The following UHRF2 variants were observed in gnomAD, a reference collection of about 807,000 sequenced individuals.
The protein encoded by UHRF2 is ubiquitin like with PHD and ring finger domains 2.
Under a neutral mutation model 96.8 loss-of-function variants are expected in UHRF2, and 23 were observed. That is an observed-to-expected ratio of 0.24 (90% CI 0.17 to 0.34). UHRF2 has a LOEUF of 0.34. Ranked by LOEUF, UHRF2 falls within the 10% of genes least tolerant of loss-of-function variation. The pLI, the probability that UHRF2 is intolerant of heterozygous loss-of-function variation, is 1.00. For synonymous variants in UHRF2, 385 were observed against 332.6 expected (o/e 1.16, Z -1.72); for missense variants, 685 against 981.5 (o/e 0.70, Z 4.04).
At chr9:6,449,383 G>A (rs1821714744) in intron 3 of UHRF2, 1 of 152,216 alleles carries the variant, frequency 6.6e-6, no homozygotes, top group South Asian at 2.1e-4. Context: ...CAGCACTCAG[G>A]CTTTTCCTGC....
chr9:6,478,809 G>T (rs1823745819), intron 6 of UHRF2, among the ~76,000 whole-genome samples: 1 of 152,148 alleles, frequency 6.6e-6, no homozygotes, highest in Non-Finnish European at 1.5e-5. Context: ...CTGTAGAGGT[G>T]AGAGAAAGGG....
chr9:6,472,804 G>A (rs938203925), intron 4 of UHRF2, among the ~76,000 whole-genome samples: 5 of 152,170 alleles, frequency 3.3e-5, no homozygotes, highest in Non-Finnish European at 5.9e-5. Flanking sequence ...ATAAAGCAAA[G>A]GAGTATTTGT....
At chr9:6,428,502 A>G (rs1048122244) in intron 2 of UHRF2, among the ~76,000 whole-genome samples, 2 of 129,076 alleles carry the variant, frequency 1.5e-5, no homozygotes, top group African/African-American at 2.9e-5. Flanking sequence ...TGGTTTCTGA[A>G]CTTTATGTAA....
At chr9:6,491,839 A>G (rs1824677324) in intron 9 of UHRF2, among the ~76,000 whole-genome samples, 1 of 152,180 alleles carries the variant, frequency 6.6e-6, no homozygotes, top group African/African-American at 2.4e-5. Context: ...AATTTAATGG[A>G]TCATTGACTA....
intron 9 of UHRF2, among the ~76,000 whole-genome samples, chr9:6,487,186 T>TTATTTTTA (rs1172890936): frequency 3.2e-5 from 4 of 124,910 alleles, no homozygotes; most frequent in African/African-American, 1.3e-4. Flanking sequence ...TTTTTCCTTT[T>TTATTTTTA]TTTTTTTTTT....
At chr9:6,494,650 A>G (rs1193566785) in intron 10 of UHRF2, 4 of 152,190 alleles carry the variant, frequency 2.6e-5, no homozygotes, top group Non-Finnish European at 5.9e-5. Context: ...AAATCACATT[A>G]TAGTTTGTCC....
At chr9:6,452,416 A>T (rs1047175080) in intron 3 of UHRF2, among the ~76,000 whole-genome samples, 15 of 152,320 alleles carry the variant, frequency 9.8e-5, no homozygotes, top group Non-Finnish European at 1.9e-4. Flanking sequence ...GCAATATATG[A>T]GAGTACTTGT....
chr9:6,492,832 C>CTTTTTTTTTTTTTTTTTT (rs34371545), intron 9 of UHRF2: 5 of 89,532 alleles, frequency 5.6e-5, no homozygotes, highest in East Asian at 3.6e-4. Context: ...GAGCTTTTGG[C>CTTTTTTTTTTTTTTTTTT]TTTTTTTTTT....
chr9:6,504,890 T>G (rs1040590555), intron 15 of UHRF2, among the ~76,000 whole-genome samples, 199 bp downstream of exon 15: 5 of 152,190 alleles, frequency 3.3e-5, no homozygotes, highest in African/African-American at 1.2e-4. Flanking sequence ...TATGTGTCAT[T>G]TGAGATATTC....
At chr9:6,457,618 A>G (rs1822260223) in intron 3 of UHRF2, among the ~76,000 whole-genome samples, 1 of 152,186 alleles carries the variant, frequency 6.6e-6, no homozygotes, top group Non-Finnish European at 1.5e-5. Flanking sequence ...GTTTTTGCCC[A>G]TTCAGTATGA....
At chr9:6,504,773 G>A (rs1816495867) in intron 15 of UHRF2, 82 bp downstream of exon 15, 1 of 1,120,686 alleles carries the variant, frequency 8.9e-7, no homozygotes, top group South Asian at 1.5e-5. Flanking sequence ...ATGCTAAGAA[G>A]CATTTTCCGT....
intron 5 of UHRF2, 46 bp from the exon 6 acceptor site, chr9:6,477,576 A>G: frequency 6.6e-7 from 1 of 1,508,430 alleles, no homozygotes; most frequent in Non-Finnish European, 8.9e-7. Flanking sequence ...TCATAGATAT[A>G]AAAAATGTTT....
intron 2 of UHRF2, among the ~76,000 whole-genome samples, chr9:6,424,912 G>A (rs1216960641): frequency 1.3e-5 from 2 of 151,862 alleles, no homozygotes; most frequent in Non-Finnish European, 2.9e-5. Context: ...GACCGCAGAG[G>A]TATTTTCATC....
chr9:6,434,595 C>G (rs1037311923), intron 3 of UHRF2, among the ~76,000 whole-genome samples: 22 of 151,844 alleles, frequency 1.4e-4, no homozygotes, highest in African/African-American at 5.3e-4. Context: ...CATATCACCA[C>G]GCCTGATTAA....
rs558441689 is a variant in UHRF2, at chr9:6,468,255, C to G, written c.864-7136C>G. 1.1e-5 allele frequency: 4 copies of G among 353,086 alleles called. No homozygotes were observed. In the East Asian group the frequency reaches 3.0e-4, roughly 26 times the overall value. The allele number at this position is 353,086 out of a possible 1,614,324, so 21.9% of individuals were successfully genotyped here. ...AAAGAGTGTCTTGATAAGCCTTTAA[C>G]AAAAATGGTACATAAGTGAAAAAGT... On this transcript the variant is annotated intron_variant, in intron 4 of 15. Transcript: ENST00000276893.
chr9:6,489,722 GTTTTTGTTTTTTT>G lies in UHRF2; in HGVS notation c.1497+2803_1497+2815del, dbSNP rs1320726823. ...GGTTTTTTGGCCATTTTCTAATTGG[GTTTTTGTTTTTTT>G]TTTTTTTTTTTACCATTCATCAGAT... On this transcript the variant is annotated intron_variant, in intron 9 of 15. Transcript: ENST00000276893. Among the ~76,000 whole-genome samples the G allele has an allele frequency of 5.7e-3, 769 of 134,576 alleles. 1 individual carries two copies. Among genetic ancestry groups the G allele is most frequent in the African/African-American group, 0.02 (724 of 35,442 alleles). The allele number at this position is 134,576 out of a possible 152,430, so 88.3% of individuals were successfully genotyped here.
intron 3 of UHRF2, among the ~76,000 whole-genome samples, chr9:6,445,333 G>C (rs1203701376): frequency 6.6e-6 from 1 of 151,778 alleles, no homozygotes; most frequent in African/African-American, 2.4e-5. Context: ...GTATCATGTT[G>C]ACCCACTGCA....
chr9:6,441,229 C>T (rs539863012), intron 3 of UHRF2, among the ~76,000 whole-genome samples: 13 of 151,976 alleles, frequency 8.6e-5, no homozygotes, highest in Non-Finnish European at 7.4e-5. Context: ...AAAAACTCAG[C>T]CACCTATGGT....
At chr9:6,417,271 T>C (rs963347032) in intron 1 of UHRF2, among the ~76,000 whole-genome samples, 2 of 152,196 alleles carry the variant, frequency 1.3e-5, no homozygotes, top group African/African-American at 4.8e-5. Flanking sequence ...TCAAGAGTGG[T>C]CTGACAAAAA....
Sources: gnomAD v4.1 joint callset for allele counts (sites outside exome capture counted in the v4.1 genomes callset) on GRCh38, gnomAD v4.1.1 for gene constraint, MANE v1.5 for transcripts, NCBI Gene and HGNC (gene_info 2026-07-23, HGNC 2026-07-21) for gene names.